Variants in MAPK9 observed in about 807,000 individuals in gnomAD.
MAPK9 encodes the protein Jun kinase.
In MAPK9, 30 loss-of-function variants were observed where a neutral mutation model predicts 57.1. The ratio of observed to expected loss-of-function variants is 0.53; its 90% CI spans 0.39 to 0.71. MAPK9 has a LOEUF of 0.71. Ranked by LOEUF, MAPK9 falls within the 30% of genes least tolerant of loss-of-function variation. The probability of loss-of-function intolerance (pLI) is 0.00; values close to 1 mark genes in which losing one functional copy is unlikely to be tolerated. For missense variants in MAPK9, 362 were observed against 521.0 expected, an observed-to-expected ratio of 0.69 and a Z score of 2.97; for synonymous variants, 155 against 177.0, an observed-to-expected ratio of 0.88 and a Z score of 0.99.
chr5:180,251,276 A>G (rs934848851), intron 5 of MAPK9, among the ~76,000 whole-genome samples: 3 of 152,136 alleles, frequency 2.0e-5, no homozygotes, highest in South Asian at 4.1e-4. Flanking sequence ...CAGCCCACCC[A>G]GAACTAACAG....
chr5:180,277,161 T>C (rs1409804229), intron 2 of MAPK9, among the ~76,000 whole-genome samples: 1 of 152,240 alleles, frequency 6.6e-6, no homozygotes, highest in Non-Finnish European at 1.5e-5. Flanking sequence ...GAAATACACA[T>C]GCTTGTGAAT....
At chr5:180,280,307 G>T in intron 2 of MAPK9, 133 bp downstream of exon 2, 1 of 1,175,736 alleles carries the variant, frequency 8.5e-7, no homozygotes. Context: ...GCAAGCAGTT[G>T]ATTCAATTTA....
chr5:180,264,861 T>C, intron 3 of MAPK9, 22 bp from the exon 4 acceptor site: 1 of 1,498,188 alleles, frequency 6.7e-7, no homozygotes, highest in Non-Finnish European at 9.0e-7. Context: ...AAATTAATTA[T>C]ACTTCAATAT....
chr5:180,283,700 C>A (rs993176598), intron 1 of MAPK9, among the ~76,000 whole-genome samples: 1 of 152,182 alleles, frequency 6.6e-6, no homozygotes, highest in African/African-American at 2.4e-5. Context: ...CTTTGGGAGG[C>A]CAACGTGGGG....
chr5:180,272,609 CTGT>C (rs1471133056), intron 2 of MAPK9, among the ~76,000 whole-genome samples: 1 of 152,188 alleles, frequency 6.6e-6, no homozygotes, highest in Non-Finnish European at 1.5e-5. Flanking sequence ...TTATTTTTGC[CTGT>C]TTTTTGAAAT....
At chr5:180,265,764 C>A (rs1760473559) in intron 3 of MAPK9, among the ~76,000 whole-genome samples, 1 of 152,108 alleles carries the variant, frequency 6.6e-6, no homozygotes, top group Non-Finnish European at 1.5e-5. Context: ...TTCCAGATGA[C>A]TGAGGGAAAG....
chr5:180,257,340 T>C (rs1759395231), intron 5 of MAPK9, among the ~76,000 whole-genome samples: 1 of 152,176 alleles, frequency 6.6e-6, no homozygotes, highest in South Asian at 2.1e-4. Flanking sequence ...CTAAAACCCA[T>C]CTGCTTATTT....
chr5:180,264,865 T>A (rs776540690), intron 3 of MAPK9, 26 bp from the exon 4 acceptor site: 1 of 1,486,942 alleles, frequency 6.7e-7, no homozygotes, highest in South Asian at 1.3e-5. Flanking sequence ...TAATTATACT[T>A]CAATATGTCA....
At chr5:180,254,957 C>T (rs1007482400) in intron 5 of MAPK9, among the ~76,000 whole-genome samples, 8 of 152,248 alleles carry the variant, frequency 5.3e-5, no homozygotes, top group Admixed American at 3.9e-4. Flanking sequence ...TGGCGTGAAC[C>T]CGAGAGGCAG....
At chr5:180,262,979 G>C (rs955127293) in intron 4 of MAPK9, 7 of 152,356 alleles carry the variant, frequency 4.6e-5, no homozygotes, top group African/African-American at 1.7e-4. Flanking sequence ...CTCAGTTACA[G>C]GCCATCAGCT....
intron 4 of MAPK9, among the ~76,000 whole-genome samples, chr5:180,263,241 C>T (rs1469681481): frequency 6.6e-6 from 1 of 152,126 alleles, no homozygotes; most frequent in Non-Finnish European, 1.5e-5. Flanking sequence ...TCTCATACCA[C>T]ACATCTCATC....
chr5:180,266,813 T>G (rs759757602), intron 3 of MAPK9, among the ~76,000 whole-genome samples: 5 of 152,200 alleles, frequency 3.3e-5, no homozygotes, highest in African/African-American at 4.8e-5. Context: ...TGTCAGTATA[T>G]TTTAAACTAG....
intron 3 of MAPK9, among the ~76,000 whole-genome samples, chr5:180,268,721 G>A (rs1349559790): frequency 6.6e-6 from 1 of 151,984 alleles, no homozygotes. Flanking sequence ...CAGCTACTCA[G>A]GAGGCTGAGG....
rs1048653525 is a variant in MAPK9 at position 180,235,399 on chromosome 5, C to T, written c.*985G>A. 1 of 152,182 alleles carries T rather than the reference C, an allele frequency of 6.6e-6. No homozygotes were observed. Among genetic ancestry groups the T allele is most frequent in the Non-Finnish European group, 1.5e-5 (1 of 68,032 alleles). The allele number at this position is 152,182 out of a possible 1,614,324, so 9.4% of individuals were successfully genotyped here. ...GGGAAGGTAAATAAAGGACCCAGGC[C>T]AGTCTGTGGCAAAGGAAGCACTTAG... On this transcript the variant is annotated 3_prime_UTR_variant, in exon 12 of 12. Coordinates refer to ENST00000452135, the MANE Select transcript of MAPK9 (RefSeq NM_002752.5).
At chr5:180,250,049 A>G (rs1377370043) in intron 5 of MAPK9, among the ~76,000 whole-genome samples, 1 of 152,092 alleles carries the variant, frequency 6.6e-6, no homozygotes, top group Non-Finnish European at 1.5e-5. Context: ...CCACAAAGAC[A>G]CGCCAGCACT....
intron 5 of MAPK9, among the ~76,000 whole-genome samples, chr5:180,249,656 T>C (rs1171909875): frequency 6.6e-6 from 1 of 152,236 alleles, no homozygotes; most frequent in Non-Finnish European, 1.5e-5. Context: ...CAATGTCATA[T>C]AATGCGAACG....
chr5:180,237,119 A>T (rs1033299308), intron 11 of MAPK9: 1 of 152,208 alleles, frequency 6.6e-6, no homozygotes, highest in African/African-American at 2.4e-5. Context: ...CCTACTTCCT[A>T]CTATCCATAT....
At chr5:180,241,182 A>T in intron 8 of MAPK9, 27 bp from the exon 9 acceptor site, 8 of 1,600,078 alleles carry the variant, frequency 5.0e-6, no homozygotes, top group Non-Finnish European at 6.8e-6. Flanking sequence ...TATTAAATTA[A>T]TGCTGTTAAT....
rs375592152 is a variant in MAPK9 at position 180,234,102 on chromosome 5, T to C, written c.*2282A>G. On this transcript the variant is annotated 3_prime_UTR_variant, in exon 12 of 12. Coordinates refer to ENST00000452135, the MANE Select transcript of MAPK9 (RefSeq NM_002752.5). Reference sequence around the variant, plus strand: ...ACAAATGAAACAAACCTAGTCTAAATTCCAGGATAATAGTAAATTACCTGG... The same window carrying C: ...ACAAATGAAACAAACCTAGTCTAAACTCCAGGATAATAGTAAATTACCTGG... The C allele has an allele frequency of 2.0e-5, 3 of 152,300 alleles. No individual in the cohort carries two copies. In the East Asian group the frequency reaches 5.8e-4, roughly 29 times the overall value. The allele number at this position is 152,300 out of a possible 1,614,324, so 9.4% of individuals were successfully genotyped here. A position where few individuals can be genotyped will look rare whatever the true frequency, so the allele number is the denominator to read the frequency against.
Sources: allele counts gnomAD v4.1 joint callset (sites outside exome capture counted in the v4.1 genomes callset), GRCh38; gene constraint gnomAD v4.1.1; transcripts MANE v1.5; gene names NCBI Gene and HGNC (gene_info 2026-07-23, HGNC 2026-07-21).